The following PTPRD variants were observed in gnomAD, a reference collection of about 807,000 sequenced individuals.
PTPRD encodes protein tyrosine phosphatase receptor type D.
In PTPRD, 34 loss-of-function variants were observed where a neutral mutation model predicts 214.5. The ratio of observed to expected loss-of-function variants is 0.16; its 90% CI spans 0.12 to 0.21. The LOEUF (loss-of-function observed/expected upper bound fraction) is 0.21, where lower values mean the gene tolerates loss of function less well. PTPRD is among the 10% of genes least tolerant of loss of function. PTPRD has a pLI of 1.00. For missense variants in PTPRD, 2,545 were observed against 2,398.7 expected (o/e 1.06, Z -1.27); for synonymous variants, 1,128 against 845.7 (o/e 1.33, Z -5.79).
At chr9:9,167,630 C>T (rs2099906778) in intron 10 of PTPRD, among the ~76,000 whole-genome samples, 1 of 151,862 alleles carries the variant, frequency 6.6e-6, no homozygotes, top group African/African-American at 2.4e-5. Flanking sequence ...TGGTGCGTGC[C>T]TGTAATCCCA....
At chr9:10,395,558 A>G (rs998064702) in intron 2 of PTPRD, among the ~76,000 whole-genome samples, 41 of 152,092 alleles carry the variant, frequency 2.7e-4, no homozygotes, top group Middle Eastern at 3.4e-3. Flanking sequence ...GCAATGAGAA[A>G]TAAGATGATT....
intron 27 of PTPRD, among the ~76,000 whole-genome samples, chr9:8,489,290 G>A (rs987798833): frequency 2.6e-5 from 4 of 152,058 alleles, no homozygotes; most frequent in Non-Finnish European, 5.9e-5. Context: ...TCTTATCCTG[G>A]GACAGAAAGG....
intron 5 of PTPRD, among the ~76,000 whole-genome samples, chr9:9,887,324 G>A (rs540780382): frequency 6.6e-6 from 1 of 152,076 alleles, no homozygotes; most frequent in East Asian, 1.9e-4. Context: ...CTATGTTTTT[G>A]TCACTGAGAT....
In PTPRD at chr9:9,110,309, T is replaced by A. The variant is rs138842497; in HGVS notation, c.-143+72995A>T. ...AAAGAATAGTCCCCAGACCAGCAACTTCAACATCATCTGGGAGCATTATAG... is the reference window on the plus strand; with the variant it reads ...AAAGAATAGTCCCCAGACCAGCAACATCAACATCATCTGGGAGCATTATAG... On this transcript the variant is annotated intron_variant, in intron 10 of 45. Transcript: ENST00000381196. 6.0e-3 allele frequency among the ~76,000 whole-genome samples: 911 copies of A among 152,180 alleles called. 4 individuals carry two copies. The highest frequency in any genetic ancestry group is 9.2e-3 in the Non-Finnish European group (627 of 68,008).
chr9:8,870,749 A>T (rs1165888088), intron 11 of PTPRD, among the ~76,000 whole-genome samples: 1 of 143,372 alleles, frequency 7.0e-6, no homozygotes, highest in Admixed American at 7.2e-5. Context: ...GCACACCATG[A>T]TGTGCTGGCT....
intron 11 of PTPRD, among the ~76,000 whole-genome samples, chr9:8,775,194 A>C (rs1033947019): frequency 6.6e-6 from 1 of 152,194 alleles, no homozygotes; most frequent in Admixed American, 6.5e-5. Flanking sequence ...CAAACAGCAG[A>C]AGGTGAGGCA....
chr9:8,805,163 C>A (rs1409175143), intron 11 of PTPRD, among the ~76,000 whole-genome samples: 2 of 152,156 alleles, frequency 1.3e-5, no homozygotes, highest in African/African-American at 2.4e-5. Context: ...ACCAAGATCA[C>A]CTTCCTTTTG....
At chr9:8,782,566 A>C (rs1012370597) in intron 11 of PTPRD, among the ~76,000 whole-genome samples, 4 of 150,460 alleles carry the variant, frequency 2.7e-5, no homozygotes, top group African/African-American at 9.8e-5. Context: ...TTCAGTGCTG[A>C]GACACTCATG....
chr9:9,602,981 ATTAGG>A (rs1426062874), intron 7 of PTPRD, among the ~76,000 whole-genome samples: 1 of 152,104 alleles, frequency 6.6e-6, no homozygotes, highest in Non-Finnish European at 1.5e-5. Context: ...ATTTTGAAAG[ATTAGG>A]TTGTGTTACA....
chr9:10,072,726 C>T (rs1321099055), intron 3 of PTPRD, among the ~76,000 whole-genome samples: 3 of 152,154 alleles, frequency 2.0e-5, no homozygotes, highest in Non-Finnish European at 2.9e-5. Context: ...AGCTACATAG[C>T]GCTGATTGGG....
chr9:8,566,259 G>C (rs984671471), intron 14 of PTPRD, among the ~76,000 whole-genome samples: 31 of 151,960 alleles, frequency 2.0e-4, no homozygotes, highest in Non-Finnish European at 5.9e-5. Flanking sequence ...CTAGGGTTAG[G>C]TGTATTTCTA....
intron 10 of PTPRD, among the ~76,000 whole-genome samples, chr9:9,082,905 T>C (rs1281965185): frequency 5.3e-5 from 8 of 151,988 alleles, no homozygotes; most frequent in Non-Finnish European, 1.2e-4. Context: ...ACAGAGAGGA[T>C]ACAAACGAAT....
intron 2 of PTPRD, among the ~76,000 whole-genome samples, chr9:10,528,847 ATTAG>A (rs1348714361): frequency 1.3e-5 from 2 of 152,194 alleles, no homozygotes; most frequent in East Asian, 1.9e-4. Context: ...ATATATTCAT[ATTAG>A]TTACTCAAGT....
chr9:9,303,166 C>T (rs1439362563), intron 9 of PTPRD, among the ~76,000 whole-genome samples: 2 of 151,950 alleles, frequency 1.3e-5, no homozygotes, highest in Admixed American at 6.6e-5. Context: ...ACAACATATT[C>T]GCAATGCAAA....
At chr9:9,792,430 G>A (rs1420888753) in intron 5 of PTPRD, among the ~76,000 whole-genome samples, 3 of 152,188 alleles carry the variant, frequency 2.0e-5, no homozygotes, top group Non-Finnish European at 2.9e-5. Flanking sequence ...AAGACTTATA[G>A]CACTCTTTTT....
At chr9:8,990,502 T>C (rs889924877) in intron 11 of PTPRD, among the ~76,000 whole-genome samples, 4 of 152,096 alleles carry the variant, frequency 2.6e-5, no homozygotes, top group Non-Finnish European at 5.9e-5. Context: ...CCTCAGAAGC[T>C]CTTTCTCTCT....
At chr9:8,490,909 C>A (rs2097136259) in intron 27 of PTPRD, among the ~76,000 whole-genome samples, 1 of 152,100 alleles carries the variant, frequency 6.6e-6, no homozygotes, top group South Asian at 2.1e-4. Context: ...AACTAAATAC[C>A]TTTACAATTA....
At chr9:9,365,148 G>C (rs534085608) in intron 9 of PTPRD, among the ~76,000 whole-genome samples, 256 of 151,568 alleles carry the variant, frequency 1.7e-3, no homozygotes, top group African/African-American at 6.0e-3. Context: ...TATCAGCAGA[G>C]AGGACAAATA....
chr9:9,227,058 T>C (rs2099959938), intron 9 of PTPRD, among the ~76,000 whole-genome samples: 2 of 152,120 alleles, frequency 1.3e-5, no homozygotes, highest in Admixed American at 6.6e-5. Flanking sequence ...TTTACTCTTA[T>C]AATACTTTGG....
Sources: gnomAD v4.1 joint callset for allele counts (sites outside exome capture counted in the v4.1 genomes callset) on GRCh38, gnomAD v4.1.1 for gene constraint, MANE v1.5 for transcripts, NCBI Gene and HGNC (gene_info 2026-07-23, HGNC 2026-07-21) for gene names.